SPAG16: variants seen among roughly 807,000 people sequenced by gnomAD.
The protein encoded by SPAG16 is sperm-associated antigen 16 protein.
Under a neutral mutation model 80.4 loss-of-function variants are expected in SPAG16, and 86 were observed. The ratio of observed to expected loss-of-function variants is 1.07; its 90% CI spans 0.90 to 1.28. The LOEUF is 1.28. SPAG16 is among the 50% of genes most tolerant of loss of function. SPAG16 has a pLI of 0.00. For synonymous variants in SPAG16, 294 were observed against 265.9 expected (o/e 1.11, Z -1.03); for missense variants, 870 against 765.3 (o/e 1.14, Z -1.61).
chr2:214,225,270 C>CT (rs368654078), intron 15 of SPAG16, among the ~76,000 whole-genome samples: 21 of 152,006 alleles, frequency 1.4e-4, no homozygotes, highest in Admixed American at 3.9e-4. Context: ...ATTTGGGGAC[C>CT]TTTTTTTTCT....
At chr2:213,472,189 G>C (rs2125662499) in intron 9 of SPAG16, among the ~76,000 whole-genome samples, 1 of 152,236 alleles carries the variant, frequency 6.6e-6, no homozygotes, top group South Asian at 2.1e-4. Flanking sequence ...GGACAGTAAA[G>C]GTATATTGCT....
At position 214,409,971 on chromosome 2, in the gene SPAG16, T is replaced by C. The variant is rs951934343; in HGVS notation, c.1721-169T>C. ...CCTAATTATTGATGTGTCTTAATTT[T>C]GACTCAACTTATTTCTTATACCTAC... On this transcript the variant is annotated intron_variant, in intron 15 of 15. Transcript: ENST00000331683. 2.0e-5 allele frequency among the ~76,000 whole-genome samples: 3 copies of C among 152,340 alleles called. No homozygotes were observed. The South Asian group carries it at 6.2e-4, about 32-fold the overall frequency.
chr2:213,780,987 GA>G (rs2069927493), intron 10 of SPAG16, among the ~76,000 whole-genome samples: 1 of 152,102 alleles, frequency 6.6e-6, no homozygotes, highest in African/African-American at 2.4e-5. Flanking sequence ...TGCTTTACCT[GA>G]AGGCCCATGT....
intron 10 of SPAG16, among the ~76,000 whole-genome samples, chr2:213,516,529 T>C (rs1287629191): frequency 6.6e-6 from 1 of 152,216 alleles, no homozygotes; most frequent in Admixed American, 6.5e-5. Flanking sequence ...CCTAAGTCTT[T>C]TCTTATTTTT....
At chr2:214,162,702 G>C (rs1339856868) in intron 15 of SPAG16, among the ~76,000 whole-genome samples, 1 of 151,998 alleles carries the variant, frequency 6.6e-6, no homozygotes, top group Non-Finnish European at 1.5e-5. Flanking sequence ...GCACAATACT[G>C]TTTTTGTTGC....
chr2:213,393,874 A>G lies in SPAG16; in HGVS notation c.942+18755A>G, dbSNP rs148482842. On this transcript the variant is annotated intron_variant, in intron 9 of 15. Transcript: ENST00000331683. ...AATTAAATTGAACGTGTTCTTTTTC[A>G]TATGTTAGCTTCTGTGAAATAACAG... Among the ~76,000 whole-genome samples the G allele has an allele frequency of 4.1e-4, 63 of 152,196 alleles. 1 individual carries two copies. Among genetic ancestry groups the G allele is most frequent in the Non-Finnish European group, 7.9e-4 (54 of 67,972 alleles).
intron 10 of SPAG16, among the ~76,000 whole-genome samples, chr2:213,820,875 A>T (rs2072894775): frequency 6.6e-6 from 1 of 152,038 alleles, no homozygotes; most frequent in Admixed American, 6.6e-5. Flanking sequence ...GCTTTTATTT[A>T]TTTTTGCATG....
chr2:213,416,081 T>G (rs1384476337), intron 9 of SPAG16, among the ~76,000 whole-genome samples: 1 of 152,232 alleles, frequency 6.6e-6, no homozygotes, highest in Non-Finnish European at 1.5e-5. Context: ...GATAACCTGA[T>G]GAGCAGGATG....
chr2:213,987,429 A>C (rs893184916), intron 12 of SPAG16, among the ~76,000 whole-genome samples: 16 of 152,098 alleles, frequency 1.1e-4, no homozygotes, highest in African/African-American at 3.9e-4. Flanking sequence ...CTATGCTTTC[A>C]ATCTCAGACT....
At chr2:213,407,908 CAGAG>C (rs557356985) in intron 9 of SPAG16, among the ~76,000 whole-genome samples, 9 of 67,348 alleles carry the variant, frequency 1.3e-4, no homozygotes, top group African/African-American at 5.5e-4. Flanking sequence ...AGGAGAGAGG[CAGAG>C]AGAGAGACAG....
intron 12 of SPAG16, among the ~76,000 whole-genome samples, chr2:213,993,164 G>A (rs1465173344): frequency 2.0e-5 from 3 of 152,194 alleles, no homozygotes; most frequent in Admixed American, 6.5e-5. Context: ...ACACCCTGCA[G>A]GTAGCAGCTG....
intron 9 of SPAG16, among the ~76,000 whole-genome samples, chr2:213,473,787 T>G (rs1472954378): frequency 6.6e-6 from 1 of 152,202 alleles, no homozygotes; most frequent in Non-Finnish European, 1.5e-5. Context: ...TTCTCCAGAT[T>G]TCTGTTTATA....
rs150445649 is a variant in SPAG16, at chr2:213,609,113, T to G, written c.1070+119023T>G. On this transcript the variant is annotated intron_variant, in intron 10 of 15. Transcript: ENST00000331683. ...ATTATTGTAAAACTGGTTATTCATC[T>G]CAGAGACTTGACTTCAAAACAAAAA... is the stretch of plus-strand genomic sequence containing the variant. Among the ~76,000 whole-genome samples, 11 of 152,366 alleles carry G rather than the reference T, an allele frequency of 7.2e-5. 1 individual carries two copies. The highest frequency in any genetic ancestry group is 2.6e-4 in the African/African-American group (11 of 41,590).
intron 14 of SPAG16, among the ~76,000 whole-genome samples, chr2:214,112,884 T>A (rs2053745414): frequency 6.6e-6 from 1 of 152,176 alleles, no homozygotes; most frequent in African/African-American, 2.4e-5. Context: ...CTGGTTATTT[T>A]GCCCATTAAT....
Position 214,042,007 on chromosome 2 carries a change from T to TATATACAC in SPAG16, c.1527+27931_1527+27932insTATACACA, listed in dbSNP as rs1371293247. ...ATATATATATATATATATATATATATACACACACACACAAATATATACACA... is the reference window on the plus strand; with the variant it reads ...ATATATATATATATATATATATATATATATACACACACACACACACAAATATATACACA... On this transcript the variant is annotated intron_variant, in intron 13 of 15. Transcript: ENST00000331683. Among the ~76,000 whole-genome samples, 386 of 101,164 alleles carry TATATACAC rather than the reference T, an allele frequency of 3.8e-3. 5 individuals carry two copies. The highest frequency in any genetic ancestry group is 0.034 in the East Asian group (66 of 1,926). 66.4% of individuals were successfully genotyped at this position (101,164 alleles called of 152,430 possible). A position where few individuals can be genotyped will look rare whatever the true frequency, so the allele number is the denominator to read the frequency against.
At chr2:213,970,513 G>A (rs532955529) in intron 12 of SPAG16, among the ~76,000 whole-genome samples, 32 of 152,134 alleles carry the variant, frequency 2.1e-4, no homozygotes, top group African/African-American at 6.7e-4. Flanking sequence ...TGTTGCCCAG[G>A]CTGGCCTCGA....
At chr2:213,605,122 A>C (rs1254031285) in intron 10 of SPAG16, among the ~76,000 whole-genome samples, 1 of 152,150 alleles carries the variant, frequency 6.6e-6, no homozygotes, top group Non-Finnish European at 1.5e-5. Context: ...TGTAAAGAAT[A>C]ATAAGATGAA....
intron 10 of SPAG16, among the ~76,000 whole-genome samples, chr2:213,741,369 A>C (rs905314268): frequency 6.6e-6 from 1 of 152,182 alleles, no homozygotes; most frequent in Non-Finnish European, 1.5e-5. Flanking sequence ...AAATCCAATC[A>C]GTATTCTCTA....
chr2:213,749,848 G>A (rs550571567), intron 10 of SPAG16, among the ~76,000 whole-genome samples: 1 of 152,036 alleles, frequency 6.6e-6, no homozygotes, highest in African/African-American at 2.4e-5. Flanking sequence ...AAGTTCACCT[G>A]TTTTTTATAT....
Sources: allele counts gnomAD v4.1 joint callset (sites outside exome capture counted in the v4.1 genomes callset), GRCh38; gene constraint gnomAD v4.1.1; transcripts MANE v1.5; gene names NCBI Gene and HGNC (gene_info 2026-07-23, HGNC 2026-07-21).